Variants in PLXNC1 observed in about 807,000 individuals in gnomAD.
PLXNC1 encodes the protein plexin C1, also known as plexin-C1.
PLXNC1 carries 75 observed loss-of-function variants against 178.2 expected under a neutral mutation model. That is an observed-to-expected ratio of 0.42 (90% confidence interval 0.35 to 0.51). PLXNC1 has a LOEUF of 0.51. Among genes scored for constraint, PLXNC1 ranks in the 20% least tolerant of loss-of-function variants. The pLI, the probability that PLXNC1 is intolerant of heterozygous loss-of-function variation, is 0.02. For missense variants in PLXNC1, 1,503 were observed against 1,984.4 expected (o/e 0.76, Z 4.61); for synonymous variants, 790 against 779.9 (o/e 1.01, Z -0.22).
intron 22 of PLXNC1, among the ~76,000 whole-genome samples, chr12:94,280,752 C>G (rs1158325857): frequency 6.6e-6 from 1 of 152,246 alleles, no homozygotes; most frequent in African/African-American, 2.4e-5. Context: ...GTGGCTGTCA[C>G]TACAAAGGAC....
At chr12:94,230,862 G>A (rs937178504) in intron 9 of PLXNC1, among the ~76,000 whole-genome samples, 14 of 152,246 alleles carry the variant, frequency 9.2e-5, no homozygotes, top group South Asian at 2.1e-4. Context: ...TGTCCTAGGC[G>A]TCTAGGATCC....
chr12:94,181,590 A>G lies in PLXNC1; in HGVS notation c.1338+10A>G. 6.3e-7 allele frequency: 1 copy of G among 1,592,320 alleles called. No individual in the cohort carries two copies. Among genetic ancestry groups the G allele is most frequent in the Non-Finnish European group, 8.6e-7 (1 of 1,163,512 alleles). On this transcript the variant is annotated intron_variant, in intron 3 of 30. Coordinates refer to ENST00000258526, the MANE Select transcript of PLXNC1 (RefSeq NM_005761.3). ...AACAGCTGGGAAAGAGGTAGGTAGAAATACTAGTTATTGCTTCTGATTTAT... is the reference window on the plus strand; with the variant it reads ...AACAGCTGGGAAAGAGGTAGGTAGAGATACTAGTTATTGCTTCTGATTTAT...
Position 94,303,887 on chromosome 12 carries a change from G to T in PLXNC1, c.4518G>T (p.Gln1506His). The T allele has an allele frequency of 6.2e-7, 1 of 1,608,548 alleles. No homozygotes were observed. Among genetic ancestry groups the T allele is most frequent in the South Asian group, 1.1e-5 (1 of 89,884 alleles). Residue 1506 changes from glutamine to histidine, a missense_variant, in exon 29 of 31, where the codon CAG becomes CAT. By Grantham distance (24) the Gln-to-His change is conservative. Around this residue, in one of 4 missense-constraint regions of PLXNC1, gnomAD observed 639 missense variants for 979.7 expected, o/e 0.65. Coordinates refer to ENST00000258526, the MANE Select transcript of PLXNC1 (RefSeq NM_005761.3). Reference sequence around the variant, plus strand: ...CAGAAATGGAAGAATTTTTAACTCAGGAATCTAAGGTATCATTAGAAAGCA... The same window carrying T: ...CAGAAATGGAAGAATTTTTAACTCATGAATCTAAGGTATCATTAGAAAGCA... ...SSSEMEEFLTQESKKHENEFN... is the reference protein window; with the variant it reads ...SSSEMEEFLTHESKKHENEFN...
At chr12:94,250,760 T>C (rs1964662260) in intron 14 of PLXNC1, among the ~76,000 whole-genome samples, 1 of 152,182 alleles carries the variant, frequency 6.6e-6, no homozygotes, top group African/African-American at 2.4e-5. Context: ...GGCTCACACC[T>C]GTAATCCCAG....
At chr12:94,297,256 G>A (rs747811155) in intron 25 of PLXNC1, 36 bp downstream of exon 25, 33 of 1,613,360 alleles carry the variant, frequency 2.0e-5, no homozygotes, top group Non-Finnish European at 2.8e-5. Context: ...CCACTGAACT[G>A]CATGCCTTCT....
At position 94,149,370 on chromosome 12, in the gene PLXNC1, CTGCGAGG is replaced by C; in HGVS notation, c.404_410del (p.Glu135GlyfsTer6). The C allele has an allele frequency of 7.0e-7, 1 of 1,425,700 alleles. No homozygotes were observed. The highest frequency in any genetic ancestry group is 9.1e-7 in the Non-Finnish European group (1 of 1,100,460). The allele number at this position is 1,425,700 out of a possible 1,614,324, so 88.3% of individuals were successfully genotyped here. On this transcript the variant is annotated frameshift_variant, in exon 1 of 31. Coordinates refer to ENST00000258526, the MANE Select transcript of PLXNC1 (RefSeq NM_005761.3). LOFTEE classifies it high-confidence loss of function. ...CCGGCTGGACCTTCGACCGGGGCGC[CTGCGAGG>C]TGCGGCCCCTGGGCAACCTGAGCCG... is the stretch of plus-strand genomic sequence containing the variant.
chr12:94,303,203 A>G lies in PLXNC1; in HGVS notation c.4387-553A>G, dbSNP rs1359339335. ...AAAATCACACATCAGAGCCACCAAT[A>G]CTAATGACCATGTGCTTCCCTGAAG... On this transcript the variant is annotated intron_variant, in intron 28 of 30. Coordinates refer to ENST00000258526, the MANE Select transcript of PLXNC1 (RefSeq NM_005761.3). Among the ~76,000 whole-genome samples the G allele has an allele frequency of 2.0e-5, 3 of 152,334 alleles. No homozygotes were observed. The East Asian group carries it at 5.8e-4, about 29-fold the overall frequency.
intron 10 of PLXNC1, among the ~76,000 whole-genome samples, chr12:94,240,061 C>T (rs572705289): frequency 6.6e-6 from 1 of 152,214 alleles, no homozygotes; most frequent in East Asian, 1.9e-4. Context: ...TTTGGGGGGG[C>T]ATGATAAGAA....
intron 6 of PLXNC1, among the ~76,000 whole-genome samples, chr12:94,223,917 T>C (rs1234587536): frequency 1.3e-5 from 2 of 152,092 alleles, no homozygotes; most frequent in Non-Finnish European, 2.9e-5. Flanking sequence ...AAAGCTGAGA[T>C]AGTGATCCCT....
At chr12:94,156,827 C>T (rs1961190226) in intron 1 of PLXNC1, among the ~76,000 whole-genome samples, 1 of 151,678 alleles carries the variant, frequency 6.6e-6, no homozygotes, top group Non-Finnish European at 1.5e-5. Context: ...CCCACCTCAG[C>T]TTCCCAAGTA....
Position 94,149,992 on chromosome 12 carries a change from A to T in PLXNC1, c.1021A>T (p.Lys341Ter). 1 of 1,596,404 alleles carries T rather than the reference A, an allele frequency of 6.3e-7. No homozygotes were observed. Among genetic ancestry groups the T allele is most frequent in the Non-Finnish European group, 8.5e-7 (1 of 1,172,792 alleles). Reference protein sequence around the residue: ...FRMSEIQARAKRVSWDFKTAE... With the variant: ...FRMSEIQARA ...AATGAGTGAGATCCAGGCGCGCGCC[A>T]AGAGGGTCAGCTGGGACTTCAAGAC... Residue 341 changes from lysine to a stop codon, truncating the protein, a stop_gained, in exon 1 of 31, where the codon AAG becomes TAG. Transcript: ENST00000258526. LOFTEE classifies it high-confidence loss of function.
rs184412307 is a variant in PLXNC1, at chr12:94,293,772, A to G, written c.3880-714A>G. ...TAGCTGGGACTACAGGTGTGCACCAATGCGCCCAGATAATTAAAAAAATTT... is the reference window on the plus strand; with the variant it reads ...TAGCTGGGACTACAGGTGTGCACCAGTGCGCCCAGATAATTAAAAAAATTT... On this transcript the variant is annotated intron_variant, in intron 23 of 30. Transcript: ENST00000258526. Among the ~76,000 whole-genome samples, 5 of 152,162 alleles carry G rather than the reference A, an allele frequency of 3.3e-5. No homozygotes were observed. In the East Asian group the frequency reaches 7.7e-4, roughly 24 times the overall value.
At chr12:94,288,842 T>G (rs1225230592) in intron 23 of PLXNC1, among the ~76,000 whole-genome samples, 1 of 152,270 alleles carries the variant, frequency 6.6e-6, no homozygotes, top group African/African-American at 2.4e-5. Flanking sequence ...TAATATTGTT[T>G]CAGCAGAAAA....
chr12:94,154,256 C>T (rs1335603526), intron 1 of PLXNC1, among the ~76,000 whole-genome samples: 1 of 152,330 alleles, frequency 6.6e-6, no homozygotes, highest in East Asian at 1.9e-4. Flanking sequence ...CAGAGAGCTT[C>T]TGTTAGGTTC....
At chr12:94,203,318 G>T (rs1963197877) in intron 4 of PLXNC1, among the ~76,000 whole-genome samples, 1 of 152,204 alleles carries the variant, frequency 6.6e-6, no homozygotes, top group African/African-American at 2.4e-5. Context: ...GTCTCAGAAA[G>T]TTACAAAGCA....
chr12:94,237,811 G>A lies in PLXNC1; in HGVS notation c.2120+8G>A, dbSNP rs201801926. 3.0e-5 allele frequency: 48 copies of A among 1,611,982 alleles called. No individual in the cohort carries two copies. Among genetic ancestry groups the A allele is most frequent in the South Asian group, 2.3e-4 (21 of 90,964 alleles). ...TACCTGTGATAAGGATGTGTGAGTC[G>A]AAATACTAATAATTTATCCTCGGTA... On this transcript the variant is annotated splice_region_variant and intron_variant, in intron 10 of 30. Coordinates refer to ENST00000258526, the MANE Select transcript of PLXNC1 (RefSeq NM_005761.3).
intron 4 of PLXNC1, among the ~76,000 whole-genome samples, chr12:94,190,942 C>G (rs992959784): frequency 6.6e-6 from 1 of 152,224 alleles, no homozygotes; most frequent in African/African-American, 2.4e-5. Context: ...CCTGCCTACC[C>G]AGTCTTCAGT....
In PLXNC1 at chr12:94,184,418, G is replaced by A. The variant is rs142306926; in HGVS notation, c.1339-1955G>A. Among the ~76,000 whole-genome samples the A allele has an allele frequency of 4.1e-4, 62 of 151,030 alleles. 1 individual carries two copies. Among genetic ancestry groups the A allele is most frequent in the African/African-American group, 1.2e-3 (51 of 41,030 alleles). On this transcript the variant is annotated intron_variant, in intron 3 of 30. Transcript: ENST00000258526. ...TGGGATTATAGGCGTGAGCCACCTC[G>A]CCTGGCCCTCTCTCATTTTTTTTTG... is the stretch of plus-strand genomic sequence containing the variant.
chr12:94,294,459 T>A (rs1229618186), intron 23 of PLXNC1, 27 bp from the exon 24 acceptor site: 3 of 1,055,456 alleles, frequency 2.8e-6, no homozygotes, highest in Non-Finnish European at 4.3e-6. Context: ...TTTTGAACAC[T>A]CATATATCTT....
Sources: allele counts gnomAD v4.1 joint callset (sites outside exome capture counted in the v4.1 genomes callset), GRCh38; gene constraint gnomAD v4.1.1; regional missense constraint gnomAD v4.1.1; transcripts MANE v1.5; gene names NCBI Gene and HGNC (gene_info 2026-07-23, HGNC 2026-07-21).